Variants in DHCR7 observed in about 807,000 individuals in gnomAD.
The protein encoded by DHCR7 is 7-dehydrocholesterol reductase.
Under a neutral mutation model 43.3 loss-of-function variants are expected in DHCR7, and 40 were observed. The observed-to-expected ratio is 0.92, with a 90% CI of 0.72 to 1.20. The LOEUF is 1.20. Among genes scored for constraint, DHCR7 ranks in the 50% most tolerant of loss-of-function variants. The probability of loss-of-function intolerance (pLI) is 0.00; values close to 1 mark genes in which losing one functional copy is unlikely to be tolerated. For synonymous variants in DHCR7, 298 were observed against 271.4 expected (o/e 1.10, Z -0.96); for missense variants, 608 against 644.6 (o/e 0.94, Z 0.62).
At chr11:71,433,806 C>T (rs1400256449), downstream of DHCR7, among the ~76,000 whole-genome samples, 8 of 152,230 alleles carry the variant, frequency 5.3e-5, no homozygotes, top group East Asian at 5.8e-4. Context: ...CCCGTCTCCC[C>T]GGCATTTGAA....
intron 4 of DHCR7, among the ~76,000 whole-genome samples, chr11:71,442,832 C>A (rs1949363190): frequency 6.6e-6 from 1 of 152,154 alleles, no homozygotes; most frequent in Non-Finnish European, 1.5e-5. Flanking sequence ...AAAATTCACC[C>A]TTTTAAAGTG....
downstream of DHCR7, among the ~76,000 whole-genome samples, chr11:71,431,281 A>T (rs1353726238): frequency 6.6e-6 from 1 of 152,222 alleles, no homozygotes; most frequent in African/African-American, 2.4e-5. Flanking sequence ...ATCAGAGGGA[A>T]GTGCACCAAA....
chr11:71,439,342 C>A (rs1218320615), intron 6 of DHCR7, among the ~76,000 whole-genome samples: 1 of 152,196 alleles, frequency 6.6e-6, no homozygotes, highest in East Asian at 1.9e-4. Context: ...CCAGGGGCAC[C>A]TGCTCTGCAC....
chr11:71,432,660 C>G (rs114547166), downstream of DHCR7, among the ~76,000 whole-genome samples: 3,929 of 152,262 alleles, frequency 0.026, 157 homozygotes, highest in African/African-American at 0.087. Flanking sequence ...ACTTATTCTC[C>G]TGTCTAACCC....
At chr11:71,431,239 G>A (rs1949226410), downstream of DHCR7, among the ~76,000 whole-genome samples, 1 of 152,222 alleles carries the variant, frequency 6.6e-6, no homozygotes, top group African/African-American at 2.4e-5. Context: ...GAAAGGTTGG[G>A]TATATGTAAA....
In DHCR7 at chr11:71,448,294, G is replaced by A. The variant is rs947474419; in HGVS notation, c.-136C>T. 2 of 155,110 alleles carry A rather than the reference G, an allele frequency of 1.3e-5. No homozygotes were observed. The highest frequency in any genetic ancestry group is 2.4e-5 in the African/African-American group (1 of 41,340). The allele number at this position is 155,110 out of a possible 1,614,324, so 9.6% of individuals were successfully genotyped here. A position where few individuals can be genotyped will look rare whatever the true frequency, so the allele number is the denominator to read the frequency against. On this transcript the variant is annotated 5_prime_UTR_variant, in exon 1 of 9. Coordinates refer to ENST00000355527, the MANE Select transcript of DHCR7 (RefSeq NM_001360.3). Reference sequence around the variant, plus strand: ...GCGCACACCTTGGCCACTCACCTGCGCACACCTCGGCCCCTCACCTGCGCC... The same window carrying A: ...GCGCACACCTTGGCCACTCACCTGCACACACCTCGGCCCCTCACCTGCGCC...
rs778945317 is a variant in DHCR7 at position 71,439,005 on chromosome 11, G to A, written c.705C>T (p.Phe235=). Residue 235 remains phenylalanine, a synonymous_variant, in exon 7 of 9, where the codon TTC becomes TTT. Coordinates refer to ENST00000355527, the MANE Select transcript of DHCR7 (RefSeq NM_001360.3). ...CGGGGCGCCCATTGAAGAACAGCTT[G>A]AAGTCAAACCACTTCCCGATCCGAG... ...FNPRIGKWFD[F]KLFFNGRPGI... is the part of the protein sequence containing the mutation. 13 of 1,614,148 alleles carry A rather than the reference G, an allele frequency of 8.1e-6. No individual in the cohort carries two copies. In the South Asian group the frequency reaches 1.4e-4, roughly 18 times the overall value.
chr11:71,433,649 G>A (rs989081057), downstream of DHCR7, among the ~76,000 whole-genome samples: 3 of 152,198 alleles, frequency 2.0e-5, no homozygotes, highest in African/African-American at 7.2e-5. Context: ...GCTCTTAAAT[G>A]CTGGGGCCAG....
In DHCR7 at chr11:71,434,470, A is replaced by C. The variant is rs1949249396; in HGVS notation, c.*905T>G. On this transcript the variant is annotated 3_prime_UTR_variant, in exon 9 of 9. Transcript: ENST00000355527. ...ACTCTACTCGGAGCATAGAGTTTAA[A>C]AAGAGTTCTACACAACACCCTAGGG... The C allele has an allele frequency of 6.5e-6, 1 of 152,964 alleles. No homozygotes were observed. Among genetic ancestry groups the C allele is most frequent in the Non-Finnish European group, 1.5e-5 (1 of 68,694 alleles). 9.5% of individuals were successfully genotyped at this position (152,964 alleles called of 1,614,324 possible).
chr11:71,447,421 T>A (rs1284598433), intron 2 of DHCR7, among the ~76,000 whole-genome samples, 189 bp downstream of exon 2: 1 of 152,196 alleles, frequency 6.6e-6, no homozygotes, highest in African/African-American at 2.4e-5. Context: ...AATAAACATC[T>A]AAGTAACATC....
upstream of DHCR7, chr11:71,448,405 G>A: frequency 6.6e-6 from 1 of 152,470 alleles, no homozygotes; most frequent in Non-Finnish European, 1.5e-5. Flanking sequence ...GGGCAGGGGC[G>A]CCCGCCCCCG....
chr11:71,443,208 G>A (rs1026581314), intron 4 of DHCR7, among the ~76,000 whole-genome samples: 1 of 152,248 alleles, frequency 6.6e-6, no homozygotes, highest in African/African-American at 2.4e-5. Context: ...TGATGGACAG[G>A]TGGGGGTTCC....
Position 71,443,947 on chromosome 11 carries a change from C to T in DHCR7, c.321+46G>A, listed in dbSNP as rs192249049. On this transcript the variant is annotated intron_variant, in intron 4 of 8. Transcript: ENST00000355527. ...GAAGGACTACCCCAGCAGGAGGGCA[C>T]GCTCCCCACCTGCTGTGTCCCAACC... 1.5e-4 allele frequency: 219 copies of T among 1,482,580 alleles called. 2 individuals are homozygous for T. In the East Asian group the frequency reaches 3.0e-3, roughly 21 times the overall value. The allele number at this position is 1,482,580 out of a possible 1,614,324, so 91.8% of individuals were successfully genotyped here. A position where few individuals can be genotyped will look rare whatever the true frequency, so the allele number is the denominator to read the frequency against.
Position 71,435,845 on chromosome 11 carries a change from G to A in DHCR7, c.964-6C>T, listed in dbSNP as rs772882845. On this transcript the variant is annotated splice_polypyrimidine_tract_variant and splice_region_variant and intron_variant, in intron 8 of 8. Transcript: ENST00000355527. ...TGGTACACCAAGTACAGACCCTGGGGGGCGAGGGGGAAGGGGTCAAGCGGT... is the reference window on the plus strand; with the variant it reads ...TGGTACACCAAGTACAGACCCTGGGAGGCGAGGGGGAAGGGGTCAAGCGGT... 9 of 1,597,648 alleles carry A rather than the reference G, an allele frequency of 5.6e-6. No individual in the cohort carries two copies. In the East Asian group the frequency reaches 1.3e-4, roughly 24 times the overall value.
At chr11:71,448,806 C>G (rs1196708397), upstream of DHCR7, 2 of 152,316 alleles carry the variant, frequency 1.3e-5, no homozygotes, top group African/African-American at 4.8e-5. Context: ...CGCCGGTGCA[C>G]CGCAAGGAGC....
intron 2 of DHCR7, among the ~76,000 whole-genome samples, chr11:71,445,420 T>C (rs138418976): frequency 6.6e-6 from 1 of 152,228 alleles, no homozygotes; most frequent in Admixed American, 6.5e-5. Context: ...TGTCCCCTCC[T>C]GGGGAGATCT....
chr11:71,436,499 C>G (rs1011649473), intron 8 of DHCR7, among the ~76,000 whole-genome samples: 4 of 152,194 alleles, frequency 2.6e-5, no homozygotes, highest in Non-Finnish European at 5.9e-5. Flanking sequence ...CCCATCTCTA[C>G]TAAAAGTACA....
At chr11:71,444,775 G>T in intron 3 of DHCR7, 80 bp downstream of exon 3, 1 of 1,249,790 alleles carries the variant, frequency 8.0e-7, no homozygotes, top group Non-Finnish European at 1.2e-6. Context: ...TCATTCCTTT[G>T]GGTCCATACA....
At position 71,441,411 on chromosome 11, in the gene DHCR7, G is replaced by A. The variant is rs758693177; in HGVS notation, c.442C>T (p.Leu148=). The part of the protein sequence containing the change: ...GVVNKYQING[L]QAWLLTHLLW... ...AGGTGCGTGAGGAGCCAGGCTTGCA[G>A]GCCATTGATCTGATACTTGTTCACA... The change falls in exon 6 of 9, where the codon CTG becomes TTG. Residue 148 remains leucine, a synonymous_variant. Transcript: ENST00000355527. 1.9e-6 allele frequency: 3 copies of A among 1,613,822 alleles called. No homozygotes were observed. The highest frequency in any genetic ancestry group is 4.5e-5 in the East Asian group (2 of 44,890).
Sources: allele counts gnomAD v4.1 joint callset (sites outside exome capture counted in the v4.1 genomes callset), GRCh38; gene constraint gnomAD v4.1.1; transcripts MANE v1.5; gene names NCBI Gene and HGNC (gene_info 2026-07-23, HGNC 2026-07-21).